PCDH15: variants seen among roughly 807,000 people sequenced by gnomAD.
PCDH15 encodes the protein protocadherin-15.
PCDH15 carries 129 observed loss-of-function variants against 178.5 expected under a neutral mutation model. The ratio of observed to expected loss-of-function variants is 0.72; its 90% CI spans 0.63 to 0.84. The LOEUF (loss-of-function observed/expected upper bound fraction) is 0.84, where lower values mean the gene tolerates loss of function less well. Ranked by LOEUF, PCDH15 falls within the 40% of genes least tolerant of loss-of-function variation. The probability of loss-of-function intolerance (pLI) is 0.00; values close to 1 mark genes in which losing one functional copy is unlikely to be tolerated. For synonymous variants in PCDH15, 800 were observed against 732.0 expected, an observed-to-expected ratio of 1.09 and a Z score of -1.50; for missense variants, 2,230 against 2,099.9, an observed-to-expected ratio of 1.06 and a Z score of -1.21.
chr10:53,949,436 T>C (rs1008727806), intron 23 of PCDH15, among the ~76,000 whole-genome samples: 8 of 152,240 alleles, frequency 5.3e-5, no homozygotes, highest in African/African-American at 1.9e-4. Context: ...TTAACTTATT[T>C]GCAATCAAGA....
At chr10:54,591,161 T>C (rs925144422) in intron 2 of PCDH15, among the ~76,000 whole-genome samples, 3 of 152,164 alleles carry the variant, frequency 2.0e-5, no homozygotes, top group Admixed American at 2.0e-4. Context: ...CCCTGTTATA[T>C]GTCCATTACC....
At chr10:54,894,766 C>A (rs935347406) in intron 3 of PCDH15, among the ~76,000 whole-genome samples, 3 of 152,108 alleles carry the variant, frequency 2.0e-5, no homozygotes, top group Non-Finnish European at 4.4e-5. Flanking sequence ...AGAGAATTAG[C>A]CAAAGCAGGC....
intron 18 of PCDH15, among the ~76,000 whole-genome samples, chr10:54,046,508 A>C (rs1453179430): frequency 6.6e-6 from 1 of 152,184 alleles, no homozygotes; most frequent in Non-Finnish European, 1.5e-5. Context: ...GAATGAAAGA[A>C]GACAGATACT....
At chr10:54,088,116 T>A (rs1046018918) in intron 16 of PCDH15, among the ~76,000 whole-genome samples, 6 of 152,188 alleles carry the variant, frequency 3.9e-5, no homozygotes, top group South Asian at 2.1e-4. Flanking sequence ...CTCAAGCACT[T>A]CTTTATAGCA....
intron 2 of PCDH15, among the ~76,000 whole-genome samples, chr10:54,615,275 G>A (rs1026852649): frequency 1.3e-4 from 19 of 151,920 alleles, no homozygotes; most frequent in African/African-American, 4.6e-4. Context: ...GCTAGAGTAT[G>A]TTGGGCATAA....
intron 25 of PCDH15, among the ~76,000 whole-genome samples, chr10:53,936,106 A>T (rs1324785774): frequency 6.6e-6 from 1 of 152,200 alleles, no homozygotes; most frequent in Non-Finnish European, 1.5e-5. Context: ...AGAGACAGTC[A>T]TCAATCCAGG....
At chr10:54,749,108 A>C (rs1220921586) in intron 1 of PCDH15, among the ~76,000 whole-genome samples, 2 of 151,872 alleles carry the variant, frequency 1.3e-5, no homozygotes, top group African/African-American at 4.8e-5. Flanking sequence ...TGTAGGAAGA[A>C]AGACCTAGTT....
At chr10:54,265,394 T>C (rs1355293919) in intron 8 of PCDH15, among the ~76,000 whole-genome samples, 1 of 151,678 alleles carries the variant, frequency 6.6e-6, no homozygotes, top group African/African-American at 2.4e-5. Context: ...AACAAAACTA[T>C]GGCAGGAACA....
At chr10:55,627,782 C>G (rs1425955466) in intron 1 of PCDH15, 1 of 152,256 alleles carries the variant, frequency 6.6e-6, no homozygotes, top group Non-Finnish European at 1.5e-5. Context: ...AAAAAAGGGT[C>G]AGAGACACAC....
At chr10:55,274,272 A>G (rs984404792) in intron 1 of PCDH15, among the ~76,000 whole-genome samples, 1 of 152,104 alleles carries the variant, frequency 6.6e-6, no homozygotes, top group Admixed American at 6.5e-5. Context: ...ATTATGATGC[A>G]TGGAATTAGC....
At chr10:54,041,874 T>A (rs1208104058) in intron 18 of PCDH15, among the ~76,000 whole-genome samples, 1 of 152,062 alleles carries the variant, frequency 6.6e-6, no homozygotes, top group African/African-American at 2.4e-5. Context: ...GACAAAATGA[T>A]TACATTTTTC....
At chr10:54,964,334 G>C (rs7085078) in intron 2 of PCDH15, among the ~76,000 whole-genome samples, 2 of 152,164 alleles carry the variant, frequency 1.3e-5, no homozygotes. Flanking sequence ...ATTTTGGAAT[G>C]TAAGTACATT....
chr10:53,893,733 G>A (rs1259867821), intron 26 of PCDH15, among the ~76,000 whole-genome samples: 1 of 152,140 alleles, frequency 6.6e-6, no homozygotes, highest in African/African-American at 2.4e-5. Flanking sequence ...TCTGCAAGTG[G>A]GAGCTAAGCT....
intron 2 of PCDH15, among the ~76,000 whole-genome samples, chr10:54,593,636 G>A (rs1393117922): frequency 6.6e-6 from 1 of 151,880 alleles, no homozygotes; most frequent in African/African-American, 2.4e-5. Flanking sequence ...CTCATAATTG[G>A]TTTAGCTATT....
chr10:54,664,532 G>A lies in PCDH15; in HGVS notation c.-28-242C>T, dbSNP rs117245042. 0.016 allele frequency among the ~76,000 whole-genome samples: 2,475 copies of A among 152,070 alleles called. 38 individuals are homozygous for A. Among genetic ancestry groups the A allele is most frequent in the South Asian group, 0.037 (178 of 4,822 alleles). ...TGTTATTTAATTTGCCAGCAAGTAG[G>A]TTGAGAAGTTAACATACTAATAATA... On this transcript the variant is annotated intron_variant, in intron 1 of 37. Transcript: ENST00000644397.
chr10:55,529,005 T>A lies in PCDH15; in HGVS notation c.-156+98620A>T, dbSNP rs544252028. Among the ~76,000 whole-genome samples, 56 of 152,258 alleles carry A rather than the reference T, an allele frequency of 3.7e-4. No individual in the cohort carries two copies. The South Asian group carries it at 7.3e-3, about 20-fold the overall frequency. ...ATGATGAGCATTTTTTCATGTGTTT[T>A]TTGGCTGCATAAATGTCTTCTTTTG... On this transcript the variant is annotated intron_variant, in intron 2 of 5. Transcript: ENST00000613346.
intron 20 of PCDH15, among the ~76,000 whole-genome samples, chr10:54,010,054 C>T (rs1418224561): frequency 1.3e-5 from 2 of 152,214 alleles, no homozygotes; most frequent in African/African-American, 4.8e-5. Flanking sequence ...ATAAGGCCTA[C>T]TGTCCATTCC....
At chr10:53,949,901 CT>C (rs1193072896) in intron 23 of PCDH15, among the ~76,000 whole-genome samples, 1 of 152,096 alleles carries the variant, frequency 6.6e-6, no homozygotes, top group Non-Finnish European at 1.5e-5. Flanking sequence ...TATACTTTTT[CT>C]GTTTTGTATA....
At chr10:53,837,553 T>C (rs2077378914) in intron 29 of PCDH15, among the ~76,000 whole-genome samples, 1 of 152,146 alleles carries the variant, frequency 6.6e-6, no homozygotes, top group Non-Finnish European at 1.5e-5. Context: ...TTTCTAATCC[T>C]TTGACCTGAG....
Sources: gnomAD v4.1 joint callset for allele counts (sites outside exome capture counted in the v4.1 genomes callset) on GRCh38, gnomAD v4.1.1 for gene constraint, MANE v1.5 for transcripts, NCBI Gene and HGNC (gene_info 2026-07-23, HGNC 2026-07-21) for gene names.